The following MAP2K5 variants were observed in gnomAD, a reference collection of about 807,000 sequenced individuals.
The protein encoded by MAP2K5 is dual specificity mitogen-activated protein kinase kinase 5.
MAP2K5 carries 49 observed loss-of-function variants against 83.1 expected under a neutral mutation model. The ratio of observed to expected loss-of-function variants is 0.59; its 90% CI spans 0.47 to 0.75. MAP2K5 has a LOEUF of 0.75. Ranked by LOEUF, MAP2K5 falls within the 30% of genes least tolerant of loss-of-function variation. The pLI, the probability that MAP2K5 is intolerant of heterozygous loss-of-function variation, is 0.00. For synonymous variants in MAP2K5, 202 were observed against 191.8 expected (o/e 1.05, Z -0.44); for missense variants, 457 against 557.5 (o/e 0.82, Z 1.82).
chr15:67,703,510 C>T, intron 16 of MAP2K5, 102 bp downstream of exon 16: 1 of 923,444 alleles, frequency 1.1e-6, no homozygotes, highest in Non-Finnish European at 1.7e-6. Context: ...AAACCTTCAG[C>T]ATGTTATATA....
chr15:67,751,539 G>T (rs866355565), intron 19 of MAP2K5, among the ~76,000 whole-genome samples: 1 of 152,176 alleles, frequency 6.6e-6, no homozygotes, highest in African/African-American at 2.4e-5. Context: ...TTAGCCATCT[G>T]ATATCTTTGG....
intron 12 of MAP2K5, among the ~76,000 whole-genome samples, chr15:67,661,820 C>G (rs1010547193): frequency 4.6e-5 from 7 of 151,950 alleles, no homozygotes; most frequent in African/African-American, 1.7e-4. Flanking sequence ...AAATTTTAAC[C>G]CTTCTTCCTC....
rs564838765 is a variant in MAP2K5, at chr15:67,562,387, T to A, written c.185-896T>A. Among the ~76,000 whole-genome samples, 2 of 152,354 alleles carry A rather than the reference T, an allele frequency of 1.3e-5. No homozygotes were observed. The highest frequency in any genetic ancestry group is 4.1e-4 in the South Asian group (2 of 4,830). ...AATGAGATTTAATATTCTCACATAG[T>A]CTATCTTCAGGTTTTTAAAGCAGTT... On this transcript the variant is annotated intron_variant, in intron 2 of 21. Coordinates refer to ENST00000178640, the MANE Select transcript of MAP2K5 (RefSeq NM_145160.3). This position sits in a 1 kb window ranked among gnomAD's most constrained non-coding sequence, Gnocchi z 4.1.
At chr15:67,741,108 A>G (rs1353818264) in intron 17 of MAP2K5, among the ~76,000 whole-genome samples, 4 of 151,912 alleles carry the variant, frequency 2.6e-5, no homozygotes, top group Non-Finnish European at 5.9e-5. Flanking sequence ...TCCAAAACAT[A>G]GTGATCTAAG....
chr15:67,788,764 A>G (rs2090461906), intron 21 of MAP2K5, among the ~76,000 whole-genome samples: 1 of 152,114 alleles, frequency 6.6e-6, no homozygotes, highest in Non-Finnish European at 1.5e-5. Context: ...ACTTTCGCCC[A>G]GGAGTTCGAG....
intron 8 of MAP2K5, among the ~76,000 whole-genome samples, chr15:67,625,085 TTC>T (rs1323668839): frequency 1.3e-5 from 2 of 152,206 alleles, no homozygotes; most frequent in South Asian, 2.1e-4. Context: ...TTAAATAATT[TTC>T]TCTGTTTTCT....
chr15:67,713,296 A>G (rs575499951), intron 16 of MAP2K5, among the ~76,000 whole-genome samples: 1 of 152,342 alleles, frequency 6.6e-6, no homozygotes, highest in East Asian at 1.9e-4. Flanking sequence ...TACAAGCTTA[A>G]CACATCTAAT....
At position 67,597,842 on chromosome 15, in the gene MAP2K5, G is replaced by A. The variant is rs148892947; in HGVS notation, c.481-2843G>A. Among the ~76,000 whole-genome samples, 239 of 152,042 alleles carry A rather than the reference G, an allele frequency of 1.6e-3. 1 individual carries two copies. The highest frequency in any genetic ancestry group is 1.9e-3 in the East Asian group (10 of 5,176). ...AAATTTTTTTACATGAGGAGTATTT[G>A]TACAGCATATAAAAATTAGAAAATA... On this transcript the variant is annotated intron_variant, in intron 7 of 21. Transcript: ENST00000178640.
At chr15:67,670,654 C>A (rs1222318663) in intron 13 of MAP2K5, among the ~76,000 whole-genome samples, 1 of 151,802 alleles carries the variant, frequency 6.6e-6, no homozygotes, top group Non-Finnish European at 1.5e-5. Context: ...TTCATGGTTC[C>A]TGACAAATCC....
chr15:67,551,717 T>C (rs1192434346), intron 2 of MAP2K5, among the ~76,000 whole-genome samples: 1 of 152,196 alleles, frequency 6.6e-6, no homozygotes, highest in Non-Finnish European at 1.5e-5. Context: ...CACAGCTTGC[T>C]GTAGCCTTGA....
In MAP2K5 at chr15:67,755,987, G is replaced by A. The variant is rs2089826147; in HGVS notation, c.1134+7386G>A. 6.6e-6 allele frequency among the ~76,000 whole-genome samples: 1 copy of A among 152,102 alleles called. No homozygotes were observed. The highest frequency in any genetic ancestry group is 1.5e-5 in the Non-Finnish European group (1 of 68,024). ...CCATTGTCCTCCCCACATCCTCACT[G>A]TGGCATTCCCGTTGATCCCCATTTT... On this transcript the variant is annotated intron_variant, in intron 19 of 21. Coordinates refer to ENST00000178640, the MANE Select transcript of MAP2K5 (RefSeq NM_145160.3). This position sits in a 1 kb window ranked among gnomAD's most constrained non-coding sequence, Gnocchi z 4.7.
intron 15 of MAP2K5, among the ~76,000 whole-genome samples, chr15:67,699,364 C>T (rs996418383): frequency 6.6e-6 from 1 of 152,142 alleles, no homozygotes; most frequent in African/African-American, 2.4e-5. Flanking sequence ...CTGTTCCCTG[C>T]TAGAAGCCTA....
At chr15:67,635,596 A>G (rs997812902) in intron 9 of MAP2K5, among the ~76,000 whole-genome samples, 6 of 152,148 alleles carry the variant, frequency 3.9e-5, no homozygotes, top group African/African-American at 1.2e-4. Context: ...TCCATCTAGT[A>G]GTATTTTCCT....
intron 19 of MAP2K5, among the ~76,000 whole-genome samples, chr15:67,759,284 C>T (rs937221301): frequency 2.6e-5 from 4 of 152,008 alleles, no homozygotes; most frequent in African/African-American, 9.7e-5. Context: ...TTAGGCCAGG[C>T]ACGGTGGCTC....
intron 19 of MAP2K5, among the ~76,000 whole-genome samples, chr15:67,751,241 A>C (rs534351965): frequency 1.3e-5 from 2 of 152,144 alleles, no homozygotes; most frequent in Non-Finnish European, 2.9e-5. Context: ...CAGACCACAG[A>C]TCAGGACCTG....
intron 21 of MAP2K5, among the ~76,000 whole-genome samples, chr15:67,795,142 T>G (rs970694813): frequency 3.3e-5 from 5 of 152,252 alleles, no homozygotes; most frequent in African/African-American, 1.2e-4. Flanking sequence ...TTTTTCAATT[T>G]TGACTGGATT....
Position 67,633,363 on chromosome 15 carries a change from TG to T in MAP2K5, c.585+2437del, listed in dbSNP as rs576052702. On this transcript the variant is annotated intron_variant, in intron 9 of 21. Transcript: ENST00000178640. ...TATTTACTCCAGGAGAGGGGAACACTGTTATAAATCGTCTAGAAATCTATGA... is the reference window on the plus strand; with the variant it reads ...TATTTACTCCAGGAGAGGGGAACACTTTATAAATCGTCTAGAAATCTATGA... Among the ~76,000 whole-genome samples the T allele has an allele frequency of 1.1e-4, 16 of 152,358 alleles. No individual in the cohort carries two copies. In the East Asian group the frequency reaches 2.7e-3, roughly 26 times the overall value.
intron 9 of MAP2K5, among the ~76,000 whole-genome samples, chr15:67,643,508 G>A (rs760351560): frequency 9.2e-5 from 14 of 152,086 alleles, no homozygotes; most frequent in Non-Finnish European, 1.6e-4. Context: ...GTGCAGTGGC[G>A]TGATCTCAGC....
rs1054701057 is a variant in MAP2K5 at position 67,772,619 on chromosome 15, T to G, written c.1197-88T>G. On this transcript the variant is annotated intron_variant, in intron 20 of 21. Coordinates refer to ENST00000178640, the MANE Select transcript of MAP2K5 (RefSeq NM_145160.3). The stretch of plus-strand genomic sequence containing the variant: ...TGATGTATTTTGAAAACATTCAAAT[T>G]CCAGTACAAATAGCCATTGGTAGAA... 1.6e-5 allele frequency: 12 copies of G among 768,314 alleles called. No individual in the cohort carries two copies. The African/African-American group carries it at 2.2e-4, about 14-fold the overall frequency. The allele number at this position is 768,314 out of a possible 1,614,324, so 47.6% of individuals were successfully genotyped here.
Sources: gnomAD v4.1 joint callset for allele counts (sites outside exome capture counted in the v4.1 genomes callset) on GRCh38, gnomAD v4.1.1 for gene constraint, Gnocchi (gnomAD v3.1) non-coding constraint, MANE v1.5 for transcripts, NCBI Gene and HGNC (gene_info 2026-07-23, HGNC 2026-07-21) for gene names.